SYNE3: variants seen among roughly 807,000 people sequenced by gnomAD.
SYNE3 encodes the protein spectrin repeat containing nuclear envelope family member 3.
A neutral mutation model predicts 111.2 loss-of-function variants in SYNE3; 100 were observed. The observed-to-expected ratio is 0.90, with a 90% CI of 0.77 to 1.06. The LOEUF (loss-of-function observed/expected upper bound fraction) is 1.06. Ranked by LOEUF, SYNE3 falls within the 50% of genes least tolerant of loss-of-function variation. SYNE3 has a pLI of 0.00. For synonymous variants in SYNE3, 547 were observed against 533.9 expected, an observed-to-expected ratio of 1.02 and a Z score of -0.34; for missense variants, 1,160 against 1,240.3, an observed-to-expected ratio of 0.94 and a Z score of 0.97.
intron 1 of SYNE3, among the ~76,000 whole-genome samples, chr14:95,508,162 C>A (rs1890594860): frequency 6.6e-6 from 1 of 152,254 alleles, no homozygotes; most frequent in Admixed American, 6.5e-5. Flanking sequence ...CCACTGCTAA[C>A]TGAGGTAGCT....
chr14:95,467,561 AGTCTCTT>A (rs2139481248), intron 3 of SYNE3, among the ~76,000 whole-genome samples: 1 of 152,346 alleles, frequency 6.6e-6, no homozygotes, highest in South Asian at 2.1e-4. Context: ...ACACACGGTA[AGTCTCTT>A]AGGAATTGTT....
At chr14:95,446,497 C>A (rs917852616) in intron 8 of SYNE3, among the ~76,000 whole-genome samples, 1 of 152,208 alleles carries the variant, frequency 6.6e-6, no homozygotes, top group Admixed American at 6.5e-5. Flanking sequence ...CACCACATTG[C>A]TGCAGAACCT....
intron 1 of SYNE3, among the ~76,000 whole-genome samples, chr14:95,512,715 G>A (rs940846028): frequency 3.3e-5 from 5 of 149,460 alleles, no homozygotes; most frequent in South Asian, 2.1e-4. Context: ...AAAATTAGCC[G>A]GACGTGGTGG....
rs767868805 is a variant in SYNE3, at chr14:95,466,242, T to C, written c.318-2A>G. ...TGCAGCCACACCCACTCGATGCGGC[T>C]GTGGGCACAGAGACCTCAAGGTTGT... On this transcript the variant is annotated splice_acceptor_variant, in intron 3 of 17. Coordinates refer to ENST00000682763, the MANE Select transcript of SYNE3 (RefSeq NM_152592.6). LOFTEE classifies it high-confidence loss of function. 3 of 1,559,732 alleles carry C rather than the reference T, an allele frequency of 1.9e-6. No homozygotes were observed. In the Admixed American group the frequency reaches 5.2e-5, roughly 27 times the overall value.
intron 1 of SYNE3, among the ~76,000 whole-genome samples, chr14:95,477,699 G>A (rs1003258789): frequency 1.3e-4 from 20 of 152,168 alleles, no homozygotes; most frequent in African/African-American, 3.6e-4. Flanking sequence ...CTGGAAACCC[G>A]TCCTGTGATT....
At chr14:95,437,072 G>C in intron 14 of SYNE3, 91 bp from the exon 15 acceptor site, 1 of 1,545,838 alleles carries the variant, frequency 6.5e-7, no homozygotes, top group Non-Finnish European at 8.8e-7. Context: ...GAGGGGCAGG[G>C]ACCAGGACAA....
At chr14:95,477,885 T>A (rs1453355297) in intron 1 of SYNE3, among the ~76,000 whole-genome samples, 3 of 152,240 alleles carry the variant, frequency 2.0e-5, no homozygotes, top group African/African-American at 7.2e-5. Flanking sequence ...GTGACTTGAA[T>A]GGCTTCCAAA....
intron 1 of SYNE3, among the ~76,000 whole-genome samples, chr14:95,489,159 G>C (rs7155423): frequency 6.6e-6 from 1 of 152,192 alleles, no homozygotes; most frequent in Non-Finnish European, 1.5e-5. Flanking sequence ...TCTGAGGACA[G>C]AACCAAGCAC....
chr14:95,506,964 C>T (rs1184339980), intron 1 of SYNE3, among the ~76,000 whole-genome samples: 1 of 152,230 alleles, frequency 6.6e-6, no homozygotes, highest in African/African-American at 2.4e-5. Flanking sequence ...GCACAGATGG[C>T]ACCAGTGACG....
chr14:95,496,295 T>G (rs1422137518), intron 1 of SYNE3, among the ~76,000 whole-genome samples: 1 of 152,220 alleles, frequency 6.6e-6, no homozygotes, highest in African/African-American at 2.4e-5. Flanking sequence ...GCTCAATGTC[T>G]CTTTCTTCTT....
chr14:95,445,866 C>A, intron 9 of SYNE3, 43 bp downstream of exon 9: 1 of 1,602,342 alleles, frequency 6.2e-7, no homozygotes, highest in South Asian at 1.1e-5. Flanking sequence ...GCTCCAGCCC[C>A]GTGGCCAAGC....
chr14:95,510,852 A>G (rs1890698797), intron 1 of SYNE3, among the ~76,000 whole-genome samples: 1 of 152,066 alleles, frequency 6.6e-6, no homozygotes, highest in Non-Finnish European at 1.5e-5. Context: ...ACCACTGCCC[A>G]TGCCACAAAG....
chr14:95,439,594 C>T lies in SYNE3; in HGVS notation c.2246+18G>A. 6.2e-7 allele frequency: 1 copy of T among 1,604,440 alleles called. No individual in the cohort carries two copies. Among genetic ancestry groups the T allele is most frequent in the Non-Finnish European group, 8.5e-7 (1 of 1,179,852 alleles). ...GCAGTGTCCCAGACAACGCTCAGAG[C>T]CTAGGAGGCACTCTCACCTCAGCAG... is the stretch of plus-strand genomic sequence containing the variant. On this transcript the variant is annotated intron_variant, in intron 13 of 17. Coordinates refer to ENST00000682763, the MANE Select transcript of SYNE3 (RefSeq NM_152592.6).
chr14:95,487,881 C>T (rs1428608244), intron 1 of SYNE3, among the ~76,000 whole-genome samples: 1 of 151,642 alleles, frequency 6.6e-6, no homozygotes, highest in African/African-American at 2.4e-5. Context: ...TCTTCTGCCC[C>T]TGCCACCCTC....
At chr14:95,503,423 T>C (rs1365698298) in intron 1 of SYNE3, among the ~76,000 whole-genome samples, 2 of 152,170 alleles carry the variant, frequency 1.3e-5, no homozygotes, top group Non-Finnish European at 2.9e-5. Context: ...TTCCTGCCTA[T>C]TTACAGATGA....
chr14:95,419,597 A>G (rs1267502427), intron 17 of SYNE3, among the ~76,000 whole-genome samples: 1 of 151,784 alleles, frequency 6.6e-6, no homozygotes, highest in East Asian at 1.9e-4. Context: ...ACCAAAAGCC[A>G]CAGTCCCGTG....
chr14:95,440,084 C>T lies in SYNE3; in HGVS notation c.1912-9G>A. ...CACCTGTCCACAAGGTCCTGCAGCA[C>T]AGCCCGGGGAGCCCAGGGCATCCTG... On this transcript the variant is annotated splice_polypyrimidine_tract_variant and intron_variant, in intron 11 of 17. Coordinates refer to ENST00000682763, the MANE Select transcript of SYNE3 (RefSeq NM_152592.6). 1 of 1,590,090 alleles carries T rather than the reference C, an allele frequency of 6.3e-7. No individual in the cohort carries two copies. Among genetic ancestry groups the T allele is most frequent in the Non-Finnish European group, 8.5e-7 (1 of 1,172,134 alleles).
chr14:95,440,767 T>A (rs1241838067), intron 11 of SYNE3, among the ~76,000 whole-genome samples: 1 of 152,152 alleles, frequency 6.6e-6, no homozygotes, highest in Admixed American at 6.5e-5. Flanking sequence ...AGAGCCCCCC[T>A]TGAGGGTCGG....
chr14:95,422,233 C>A (rs1407919353), intron 17 of SYNE3, among the ~76,000 whole-genome samples: 1 of 151,972 alleles, frequency 6.6e-6, no homozygotes, highest in Non-Finnish European at 1.5e-5. Flanking sequence ...CCATGGTTCA[C>A]CAGGATATCT....
Sources: allele counts gnomAD v4.1 joint callset (sites outside exome capture counted in the v4.1 genomes callset), GRCh38; gene constraint gnomAD v4.1.1; transcripts MANE v1.5; gene names NCBI Gene and HGNC (gene_info 2026-07-23, HGNC 2026-07-21).